XKR7: variants seen among roughly 807,000 people sequenced by gnomAD.
XKR7 encodes the protein XK related 7.
Under a neutral mutation model 42.2 loss-of-function variants are expected in XKR7, and 11 were observed. That is an observed-to-expected ratio of 0.26 (90% CI 0.16 to 0.43). XKR7 has a LOEUF of 0.43. Among genes scored for constraint, XKR7 ranks in the 20% least tolerant of loss-of-function variants. The probability of loss-of-function intolerance (pLI) is 1.00; values close to 1 mark genes in which losing one functional copy is unlikely to be tolerated. For synonymous variants in XKR7, 346 were observed against 366.4 expected, an observed-to-expected ratio of 0.94 and a Z score of 0.64; for missense variants, 710 against 802.2, an observed-to-expected ratio of 0.89 and a Z score of 1.39.
At chr20:31,971,179 G>C (rs905016892) in intron 1 of XKR7, among the ~76,000 whole-genome samples, 15 of 142,020 alleles carry the variant, frequency 1.1e-4, no homozygotes, top group African/African-American at 4.1e-4. Flanking sequence ...CTATGTGGGT[G>C]AGGACGGGAA....
intron 1 of XKR7, among the ~76,000 whole-genome samples, chr20:31,971,563 G>A (rs557981435): frequency 3.9e-5 from 6 of 152,302 alleles, no homozygotes; most frequent in Admixed American, 2.0e-4. Context: ...TGCTTACCAC[G>A]TGAGATGTTC....
chr20:31,983,571 G>T (rs938964625), intron 1 of XKR7, among the ~76,000 whole-genome samples: 7 of 152,176 alleles, frequency 4.6e-5, no homozygotes, highest in Admixed American at 2.6e-4. Context: ...GGGAGAGAGG[G>T]AGGGTGGTGG....
chr20:31,993,523 AT>A (rs2064578621), intron 1 of XKR7, among the ~76,000 whole-genome samples: 1 of 152,182 alleles, frequency 6.6e-6, no homozygotes, highest in Non-Finnish European at 1.5e-5. Context: ...AGTCCCTTCT[AT>A]ACCCCCTATA....
rs909694987 is a variant in XKR7 at position 31,995,570 on chromosome 20, C to T, written c.787+300C>T. Among the ~76,000 whole-genome samples the T allele has an allele frequency of 1.3e-5, 2 of 151,996 alleles. No individual in the cohort carries two copies. The highest frequency in any genetic ancestry group is 2.9e-5 in the Non-Finnish European group (2 of 67,962). On this transcript the variant is annotated intron_variant, in intron 2 of 2. Coordinates refer to ENST00000562532, the MANE Select transcript of XKR7 (RefSeq NM_001011718.2). This position sits in a 1 kb window ranked among gnomAD's most constrained non-coding sequence, Gnocchi z 4.1. ...CTCCTCCCTTCCCCGTTGCCAGAGC[C>T]AACCAAACCCCATCTCCCACCCAAA...
At chr20:31,984,686 C>T (rs978130015) in intron 1 of XKR7, among the ~76,000 whole-genome samples, 6 of 152,220 alleles carry the variant, frequency 3.9e-5, no homozygotes, top group South Asian at 2.1e-4. Context: ...CAAGTGAAAC[C>T]TGAGGTCCAT....
intron 1 of XKR7, among the ~76,000 whole-genome samples, chr20:31,971,974 A>G (rs971628603): frequency 1.3e-5 from 2 of 152,226 alleles, no homozygotes; most frequent in African/African-American, 4.8e-5. Flanking sequence ...AAATTTAACT[A>G]CTAATTAAAA....
At chr20:31,988,252 C>T (rs545850555) in intron 1 of XKR7, among the ~76,000 whole-genome samples, 9 of 152,286 alleles carry the variant, frequency 5.9e-5, no homozygotes, top group South Asian at 2.1e-4. Flanking sequence ...GGGATCCCCT[C>T]GTCCTTTTCC....
intron 1 of XKR7, among the ~76,000 whole-genome samples, chr20:31,980,089 G>C (rs551073938): frequency 6.6e-6 from 1 of 150,702 alleles, no homozygotes; most frequent in South Asian, 2.1e-4. Flanking sequence ...TTCTCAGTTA[G>C]GGCCTAAAAT....
chr20:31,991,512 G>A lies in XKR7; in HGVS notation c.585-3556G>A, dbSNP rs1210687935. Reference sequence around the variant, plus strand: ...CTGGACCAAACCCCATCCTCTCCTGGCTTTCCTCCAAGCCAGCCTCCACAG... The same window carrying A: ...CTGGACCAAACCCCATCCTCTCCTGACTTTCCTCCAAGCCAGCCTCCACAG... On this transcript the variant is annotated intron_variant, in intron 1 of 2. Coordinates refer to ENST00000562532, the MANE Select transcript of XKR7 (RefSeq NM_001011718.2). 2.6e-5 allele frequency among the ~76,000 whole-genome samples: 4 copies of A among 152,014 alleles called. No individual in the cohort carries two copies. The East Asian group carries it at 7.7e-4, about 29-fold the overall frequency.
chr20:31,971,458 G>C (rs779477750), intron 1 of XKR7, among the ~76,000 whole-genome samples: 1 of 152,218 alleles, frequency 6.6e-6, no homozygotes, highest in Non-Finnish European at 1.5e-5. Flanking sequence ...AAATGGCTAA[G>C]GGCCTGGATA....
chr20:31,999,044 A>ACC lies in XKR7; in HGVS notation c.*1588_*1589insCC, dbSNP rs1568895998. On this transcript the variant is annotated 3_prime_UTR_variant, in exon 3 of 3. Transcript: ENST00000562532. ...AACCCAACCCACCCCCCACCCCCCC[A>ACC]CACACACACTCCCACAGCAACTTAG... is the stretch of plus-strand genomic sequence containing the variant. The ACC allele has an allele frequency of 9.1e-6, 1 of 109,706 alleles. No homozygotes were observed. Among genetic ancestry groups the ACC allele is most frequent in the Non-Finnish European group, 1.9e-5 (1 of 53,738 alleles). 6.8% of individuals were successfully genotyped at this position (109,706 alleles called of 1,614,324 possible).
intron 1 of XKR7, among the ~76,000 whole-genome samples, chr20:31,993,428 A>G (rs1261991120): frequency 6.6e-6 from 1 of 152,154 alleles, no homozygotes; most frequent in Non-Finnish European, 1.5e-5. Context: ...CCACTTTGGG[A>G]GGGATTAACT....
At position 31,998,055 on chromosome 20, in the gene XKR7, T is replaced by G; in HGVS notation, c.*598T>G. 1.0e-5 allele frequency: 1 copy of G among 97,772 alleles called. No individual in the cohort carries two copies. The highest frequency in any genetic ancestry group is 4.1e-5 in the African/African-American group (1 of 24,410). The allele number at this position is 97,772 out of a possible 1,614,324, so 6.1% of individuals were successfully genotyped here. ...GGGTGTTGGGGTGGGGGGCTGGCAG[T>G]GCTGGAGATGGATAGGAGAAAGAAC... is the stretch of plus-strand genomic sequence containing the variant. On this transcript the variant is annotated 3_prime_UTR_variant, in exon 3 of 3. Transcript: ENST00000562532.
rs1332357078 is a variant in XKR7, at chr20:31,995,315, G to C, written c.787+45G>C. ...CTCTGCGCCTGGGACCACCCCACCG[G>C]GCCTTTCTCCCTGCTTCAGGCTCCC... On this transcript the variant is annotated intron_variant, in intron 2 of 2. Transcript: ENST00000562532. This position sits in a 1 kb window ranked among gnomAD's most constrained non-coding sequence, Gnocchi z 4.1. 1 of 1,531,232 alleles carries C rather than the reference G, an allele frequency of 6.5e-7. No individual in the cohort carries two copies. The highest frequency in any genetic ancestry group is 2.0e-5 in the Admixed American group (1 of 50,552). The allele number at this position is 1,531,232 out of a possible 1,614,324, so 94.9% of individuals were successfully genotyped here.
chr20:31,980,752 C>T (rs2064508324), intron 1 of XKR7, among the ~76,000 whole-genome samples: 1 of 152,092 alleles, frequency 6.6e-6, no homozygotes, highest in African/African-American at 2.4e-5. Flanking sequence ...CTTCCTGTGG[C>T]TCTCCATCAC....
In XKR7 at chr20:31,994,422, T is replaced by C. The variant is rs1408199664; in HGVS notation, c.585-646T>C. 2.0e-5 allele frequency among the ~76,000 whole-genome samples: 3 copies of C among 152,054 alleles called. No homozygotes were observed. In the East Asian group the frequency reaches 5.8e-4, roughly 29 times the overall value. On this transcript the variant is annotated intron_variant, in intron 1 of 2. Transcript: ENST00000562532. ...GGTCTCAGTTTGCTCACCTACAAAA[T>C]GGGAATTGGGCCGTGTGCGGTGGCT...
chr20:31,979,406 T>C (rs979101545), intron 1 of XKR7, among the ~76,000 whole-genome samples: 1 of 152,118 alleles, frequency 6.6e-6, no homozygotes, highest in Non-Finnish European at 1.5e-5. Flanking sequence ...ATATGGTATT[T>C]CTTTAATTTA....
intron 1 of XKR7, among the ~76,000 whole-genome samples, chr20:31,989,068 C>T (rs530209767): frequency 3.9e-5 from 6 of 152,166 alleles, no homozygotes; most frequent in South Asian, 2.1e-4. Flanking sequence ...AATAAATAAA[C>T]GGTGATTTCA....
chr20:31,971,522 T>C (rs1202169912), intron 1 of XKR7, among the ~76,000 whole-genome samples: 2 of 152,170 alleles, frequency 1.3e-5, no homozygotes, highest in African/African-American at 4.8e-5. Context: ...CTGGCATTCC[T>C]AGAAATTAAG....
Sources: gnomAD v4.1 joint callset for allele counts (sites outside exome capture counted in the v4.1 genomes callset) on GRCh38, gnomAD v4.1.1 for gene constraint, Gnocchi (gnomAD v3.1) non-coding constraint, MANE v1.5 for transcripts, NCBI Gene and HGNC (gene_info 2026-07-23, HGNC 2026-07-21) for gene names.